GRM5: variants seen among roughly 807,000 people sequenced by gnomAD.
GRM5 encodes the protein glutamate metabotropic receptor 5.
GRM5 carries 19 observed loss-of-function variants against 83.1 expected under a neutral mutation model. The ratio of observed to expected loss-of-function variants is 0.23; its 90% confidence interval spans 0.16 to 0.34. GRM5 has a LOEUF of 0.34. GRM5 is among the 10% of genes least tolerant of loss of function. The probability of loss-of-function intolerance (pLI) is 1.00; values close to 1 mark genes in which losing one functional copy is unlikely to be tolerated. For synonymous variants in GRM5, 675 were observed against 633.6 expected (o/e 1.07, Z -0.98); for missense variants, 1,160 against 1,588.3 (o/e 0.73, Z 4.58).
chr11:88,571,067 A>T (rs1374688179), intron 7 of GRM5, among the ~76,000 whole-genome samples: 1 of 152,168 alleles, frequency 6.6e-6, no homozygotes, highest in African/African-American at 2.4e-5. Flanking sequence ...TGGAAAAAGT[A>T]ATTAAACACT....
chr11:88,603,466 C>G (rs1201965239), intron 5 of GRM5, among the ~76,000 whole-genome samples: 1 of 152,074 alleles, frequency 6.6e-6, no homozygotes. Context: ...GTCAGCCTGC[C>G]CTTAAAAGAT....
intron 2 of GRM5, among the ~76,000 whole-genome samples, chr11:88,978,508 A>C (rs1291372089): frequency 3.6e-5 from 5 of 138,658 alleles, no homozygotes; most frequent in African/African-American, 8.9e-5. Context: ...AAAAAAAAAA[A>C]AAAAAAAACC....
chr11:88,857,888 G>T (rs918117944), intron 2 of GRM5, among the ~76,000 whole-genome samples: 4 of 151,998 alleles, frequency 2.6e-5, no homozygotes, highest in African/African-American at 9.7e-5. Flanking sequence ...TGAGATTTAG[G>T]TGTTTAGGAA....
chr11:88,818,046 A>G (rs1943721951), intron 3 of GRM5, among the ~76,000 whole-genome samples: 1 of 152,130 alleles, frequency 6.6e-6, no homozygotes, highest in African/African-American at 2.4e-5. Context: ...TACTTAAACT[A>G]ATCTAAACCT....
chr11:88,651,963 T>A (rs1295303568), intron 4 of GRM5, among the ~76,000 whole-genome samples: 1 of 151,998 alleles, frequency 6.6e-6, no homozygotes, highest in Non-Finnish European at 1.5e-5. Context: ...TCTTTATGAA[T>A]AGCTCACTAA....
chr11:88,526,270 A>G (rs1260562595), intron 8 of GRM5, among the ~76,000 whole-genome samples: 1 of 152,224 alleles, frequency 6.6e-6, no homozygotes. Context: ...GTGCATCAAG[A>G]TGAGTTCTTG....
intron 5 of GRM5, among the ~76,000 whole-genome samples, chr11:88,602,593 T>C (rs938138907): frequency 1.3e-5 from 2 of 152,226 alleles, no homozygotes; most frequent in African/African-American, 4.8e-5. Context: ...AATAACAACC[T>C]AATGTCTACA....
chr11:88,910,930 T>G (rs1466434628), intron 2 of GRM5, among the ~76,000 whole-genome samples: 1 of 152,046 alleles, frequency 6.6e-6, no homozygotes, highest in East Asian at 1.9e-4. Flanking sequence ...CTATCCCTTT[T>G]CAGTAGCTAG....
At chr11:88,521,176 G>A (rs776439160) in intron 9 of GRM5, among the ~76,000 whole-genome samples, 14 of 152,178 alleles carry the variant, frequency 9.2e-5, no homozygotes, top group Non-Finnish European at 1.3e-4. Context: ...CCAGCTTTTT[G>A]GGAGGCCTAG....
intron 3 of GRM5, among the ~76,000 whole-genome samples, chr11:88,749,055 A>T (rs530781634): frequency 2.4e-4 from 36 of 152,334 alleles, no homozygotes; most frequent in African/African-American, 8.7e-4. Context: ...AAATGACTAC[A>T]ACACCTCTCG....
At chr11:88,890,994 G>C (rs1945135010) in intron 2 of GRM5, among the ~76,000 whole-genome samples, 1 of 152,064 alleles carries the variant, frequency 6.6e-6, no homozygotes, top group Non-Finnish European at 1.5e-5. Flanking sequence ...AATTTGATAA[G>C]ATAAAGCTAC....
At chr11:88,926,519 C>T (rs758256073) in intron 2 of GRM5, among the ~76,000 whole-genome samples, 31 of 152,142 alleles carry the variant, frequency 2.0e-4, no homozygotes, top group Non-Finnish European at 3.2e-4. Context: ...TCCATCCATT[C>T]AGTCTTTATC....
intron 3 of GRM5, among the ~76,000 whole-genome samples, chr11:88,784,881 A>G (rs899790425): frequency 6.6e-6 from 1 of 152,092 alleles, no homozygotes; most frequent in African/African-American, 2.4e-5. Flanking sequence ...TATCCATCAC[A>G]TAATCTCTTC....
At position 88,510,934 on chromosome 11, in the gene GRM5, A is replaced by T. The variant is rs147542308; in HGVS notation, c.2727-1430T>A. Among the ~76,000 whole-genome samples the T allele has an allele frequency of 5.9e-3, 900 of 152,352 alleles. 11 individuals carry two copies. The highest frequency in any genetic ancestry group is 0.021 in the African/African-American group (868 of 41,584). On this transcript the variant is annotated intron_variant, in intron 9 of 9. Transcript: ENST00000305447. The stretch of plus-strand genomic sequence containing the variant: ...CAGCTCTGTTCTAGGGGCTGTGACC[A>T]ACAGATAGCCTTGAGCAGCCTGACT...
At chr11:88,976,560 G>T (rs907444771) in intron 2 of GRM5, among the ~76,000 whole-genome samples, 1 of 150,380 alleles carries the variant, frequency 6.6e-6, no homozygotes, top group Non-Finnish European at 1.5e-5. Context: ...AAAAAAAAAT[G>T]AATTAATAAT....
chr11:88,662,494 C>G (rs1939933786), intron 3 of GRM5, among the ~76,000 whole-genome samples: 1 of 151,886 alleles, frequency 6.6e-6, no homozygotes, highest in African/African-American at 2.4e-5. Context: ...GTATACACAC[C>G]TCTCTTAGTT....
intron 2 of GRM5, among the ~76,000 whole-genome samples, chr11:89,018,712 T>C (rs1170518060): frequency 6.6e-6 from 1 of 152,116 alleles, no homozygotes; most frequent in African/African-American, 2.4e-5. Context: ...TGGGAAGTTA[T>C]GGGATTATAG....
intron 2 of GRM5, among the ~76,000 whole-genome samples, chr11:89,038,941 T>C (rs1198646042): frequency 6.6e-6 from 1 of 152,156 alleles, no homozygotes; most frequent in African/African-American, 2.4e-5. Flanking sequence ...CAGACTGTGT[T>C]ATGAAATAAA....
rs573705670 is a variant in GRM5, at chr11:88,586,089, A to G, written c.1690+4512T>C. On this transcript the variant is annotated intron_variant, in intron 7 of 9. Transcript: ENST00000305447. ...AGATACATTCTCATAATATCATTCA[A>G]TCCTCTGCATACATGTTTACACACA... 6.9e-4 allele frequency among the ~76,000 whole-genome samples: 103 copies of G among 149,440 alleles called. 1 individual carries two copies. Among genetic ancestry groups the G allele is most frequent in the Middle Eastern group, 3.4e-3 (1 of 292 alleles).
Sources: gnomAD v4.1 joint callset for allele counts (sites outside exome capture counted in the v4.1 genomes callset) on GRCh38, gnomAD v4.1.1 for gene constraint, MANE v1.5 for transcripts, NCBI Gene and HGNC (gene_info 2026-07-23, HGNC 2026-07-21) for gene names.